TRMT11: variants seen among roughly 807,000 people sequenced by gnomAD.
The protein encoded by TRMT11 is tRNA (guanine(10)-N(2))-methyltransferase TRMT11.
A neutral mutation model predicts 62.8 loss-of-function variants in TRMT11; 53 were observed. The observed-to-expected ratio is 0.84, with a 90% CI of 0.68 to 1.06. TRMT11 has a LOEUF of 1.06. Ranked by LOEUF, TRMT11 falls within the 50% of genes least tolerant of loss-of-function variation. TRMT11 has a pLI of 0.00. For missense variants in TRMT11, 556 were observed against 553.4 expected (o/e 1.00, Z -0.05); for synonymous variants, 188 against 190.3 (o/e 0.99, Z 0.10).
intron 21 of TRMT11, among the ~76,000 whole-genome samples, chr6:126,116,251 G>T (rs1457396477): frequency 1.3e-5 from 2 of 151,908 alleles, no homozygotes. Context: ...AGTCTTCCAA[G>T]GAACAAGAGT....
chr6:126,084,899 G>A (rs115187903), intron 17 of TRMT11, among the ~76,000 whole-genome samples: 193 of 152,282 alleles, frequency 1.3e-3, no homozygotes, highest in African/African-American at 4.5e-3. Flanking sequence ...GAAACAGAGA[G>A]TAGAAGGGTG....
intron 12 of TRMT11, among the ~76,000 whole-genome samples, chr6:126,034,308 TTAAA>T (rs1653068375): frequency 6.6e-6 from 1 of 152,128 alleles, no homozygotes; most frequent in Non-Finnish European, 1.5e-5. Flanking sequence ...ATACGGAAAA[TTAAA>T]TAATTATGTA....
At position 126,008,443 on chromosome 6, in the gene TRMT11, A is replaced by G. The variant is rs146575767; in HGVS notation, c.731A>G (p.Asp244Gly). Reference sequence around the variant, plus strand: ...TTTGGTGCATATGTGTATGGGACAGACATAGACTACAACACAGTTCATGGC... The same window carrying G: ...TTTGGTGCATATGTGTATGGGACAGGCATAGACTACAACACAGTTCATGGC... Reference protein sequence around the residue: ...AHFGAYVYGTDIDYNTVHGLG... With the variant: ...AHFGAYVYGTGIDYNTVHGLG... Residue 244 changes from aspartate (D) to glycine (G), a missense_variant, in exon 8 of 13, where the codon GAC becomes GGC. Physicochemically the swap from Asp to Gly is moderately conservative, Grantham distance 94 (BLOSUM62 -1). Coordinates refer to ENST00000334379, the MANE Select transcript of TRMT11 (RefSeq NM_001031712.3). 2,561 of 1,613,108 alleles carry G rather than the reference A, an allele frequency of 1.6e-3. 3 individuals carry two copies. Among genetic ancestry groups the G allele is most frequent in the Non-Finnish European group, 2.0e-3 (2,377 of 1,179,182 alleles).
chr6:126,006,992 C>T (rs955159753), intron 7 of TRMT11: 1 of 151,896 alleles, frequency 6.6e-6, no homozygotes, highest in Non-Finnish European at 1.5e-5. Context: ...TGTAGTAATT[C>T]CTTGTAATTT....
At chr6:126,269,791 G>A in the TRMT11 span, among the ~76,000 whole-genome samples, 1 of 152,146 alleles carries the variant, frequency 6.6e-6, no homozygotes, top group East Asian at 1.9e-4. Context: ...AAAAACCAAA[G>A]TATTAATCTC....
At chr6:125,995,048 C>T (rs1459818502) in intron 2 of TRMT11, among the ~76,000 whole-genome samples, 1 of 152,020 alleles carries the variant, frequency 6.6e-6, no homozygotes, top group South Asian at 2.1e-4. Context: ...AATACCTAGG[C>T]GATGGGTTGA....
intron 17 of TRMT11, among the ~76,000 whole-genome samples, chr6:126,073,122 A>G (rs974162553): frequency 3.9e-5 from 6 of 152,234 alleles, no homozygotes; most frequent in African/African-American, 1.4e-4. Flanking sequence ...GCAACTTTCT[A>G]GCACTATGCC....
intron 9 of TRMT11, among the ~76,000 whole-genome samples, chr6:126,011,745 G>C (rs565817703): frequency 2.6e-5 from 4 of 152,040 alleles, no homozygotes; most frequent in Admixed American, 1.3e-4. Context: ...ACTATAATTG[G>C]TTATTATACC....
At position 126,123,602 on chromosome 6, in the gene TRMT11, G is replaced by A. The variant is rs114745464; in HGVS notation, c.*1823+7747G>A. Among the ~76,000 whole-genome samples, 1,479 of 152,016 alleles carry A rather than the reference G, an allele frequency of 9.7e-3. 15 individuals are homozygous for A. Among genetic ancestry groups the A allele is most frequent in the African/African-American group, 0.034 (1,418 of 41,492 alleles). The stretch of plus-strand genomic sequence containing the variant: ...TAGTGGACTATCTCTGTTTTCAGAT[G>A]TAATTCCTACCTCTATTTGCAACAT... On this transcript the variant is annotated intron_variant and NMD_transcript_variant, in intron 21 of 22. Coordinates refer to the TRMT11 transcript ENST00000648977.
At chr6:126,048,574 G>A (rs139140458) in intron 16 of TRMT11, among the ~76,000 whole-genome samples, 1 of 152,198 alleles carries the variant, frequency 6.6e-6, no homozygotes, top group East Asian at 1.9e-4. Context: ...AGAATCACTC[G>A]GTTAGCTAGC....
chr6:126,144,123 C>T (rs535100351), intron 21 of TRMT11, among the ~76,000 whole-genome samples: 21 of 152,268 alleles, frequency 1.4e-4, no homozygotes, highest in Middle Eastern at 6.8e-3. Context: ...CTCCATTTCA[C>T]GGTCTGGTGC....
intron 21 of TRMT11, among the ~76,000 whole-genome samples, chr6:126,158,627 C>T (rs1778149251): frequency 6.6e-6 from 1 of 152,110 alleles, no homozygotes; most frequent in Non-Finnish European, 1.5e-5. Flanking sequence ...ACAAGCTTCC[C>T]CAAATTGTAC....
the TRMT11 span, among the ~76,000 whole-genome samples, chr6:126,227,664 T>C: frequency 6.6e-6 from 1 of 152,246 alleles, no homozygotes; most frequent in Non-Finnish European, 1.5e-5. Flanking sequence ...AATGTGCTTC[T>C]GTTTAGTTAC....
At chr6:126,205,286 C>T (rs1451970441), downstream of TRMT11, among the ~76,000 whole-genome samples, 3 of 152,272 alleles carry the variant, frequency 2.0e-5, no homozygotes, top group East Asian at 1.9e-4. Flanking sequence ...GGGCAGGTCA[C>T]GAGGTCAGGA....
At chr6:126,239,300 C>T in the TRMT11 span, among the ~76,000 whole-genome samples, 1 of 152,116 alleles carries the variant, frequency 6.6e-6, no homozygotes, top group Non-Finnish European at 1.5e-5. Context: ...TTCTTCCTAG[C>T]CTCGATGGTC....
chr6:126,023,148 A>T (rs999418156), intron 12 of TRMT11, among the ~76,000 whole-genome samples: 1 of 152,250 alleles, frequency 6.6e-6, no homozygotes, highest in East Asian at 1.9e-4. Flanking sequence ...TATTTCAAGG[A>T]TGATGATTTG....
At chr6:126,240,160 T>G in the TRMT11 span, among the ~76,000 whole-genome samples, 2 of 152,222 alleles carry the variant, frequency 1.3e-5, no homozygotes, top group Non-Finnish European at 2.9e-5. Flanking sequence ...TCAAACTTCC[T>G]CCTTTAGCTT....
At chr6:126,034,348 T>A (rs537958280) in intron 12 of TRMT11, among the ~76,000 whole-genome samples, 1 of 152,290 alleles carries the variant, frequency 6.6e-6, no homozygotes, top group South Asian at 2.1e-4. Context: ...GTAGGAAATA[T>A]ATCTTCCTTT....
intron 17 of TRMT11, among the ~76,000 whole-genome samples, chr6:126,093,609 A>ATTTTTTTTTTTTTTTTTT (rs1562321359): frequency 3.3e-5 from 3 of 91,040 alleles, no homozygotes; most frequent in African/African-American, 2.1e-4. Context: ...ATATATATAT[A>ATTTTTTTTTTTTTTTTTT]TATATATATA....
Sources: gnomAD v4.1 joint callset for allele counts (sites outside exome capture counted in the v4.1 genomes callset) on GRCh38, gnomAD v4.1.1 for gene constraint, MANE v1.5 for transcripts, NCBI Gene and HGNC (gene_info 2026-07-23, HGNC 2026-07-21) for gene names.